Variants in AFF3 observed in about 807,000 individuals in gnomAD.
The protein encoded by AFF3 is ALF transcription elongation factor 3.
In AFF3, 32 loss-of-function variants were observed where a neutral mutation model predicts 129.7. That is an observed-to-expected ratio of 0.25 (90% CI 0.19 to 0.33). The LOEUF is 0.33. Ranked by LOEUF, AFF3 falls within the 10% of genes least tolerant of loss-of-function variation. AFF3 has a pLI of 1.00. For synonymous variants in AFF3, 644 were observed against 635.4 expected (o/e 1.01, Z -0.20); for missense variants, 1,373 against 1,592.0 (o/e 0.86, Z 2.34).
At chr2:99,789,093 T>C (rs975650502) in intron 8 of AFF3, among the ~76,000 whole-genome samples, 1 of 152,226 alleles carries the variant, frequency 6.6e-6, no homozygotes, top group African/African-American at 2.4e-5. Context: ...TGTTATACCA[T>C]GCATGACTGC....
intron 4 of AFF3, among the ~76,000 whole-genome samples, chr2:100,026,194 T>G (rs1684026485): frequency 6.6e-6 from 1 of 151,326 alleles, no homozygotes; most frequent in Admixed American, 6.6e-5. Context: ...AACAAACAAA[T>G]CAGTGAGAAA....
In AFF3 at chr2:99,733,145, C is replaced by T. The variant is rs548144166; in HGVS notation, c.1040-6017G>A. Among the ~76,000 whole-genome samples, 562 of 151,884 alleles carry T rather than the reference C, an allele frequency of 3.7e-3. 5 individuals carry two copies. The highest frequency in any genetic ancestry group is 5.7e-3 in the Non-Finnish European group (385 of 67,966). The stretch of plus-strand genomic sequence containing the variant: ...CTGTAATCCTAGCACTTTGGGAGGC[C>T]GAGGCAGGCGGATCATGAGGTCAGG... On this transcript the variant is annotated intron_variant, in intron 10 of 24. Coordinates refer to ENST00000672756, the MANE Select transcript of AFF3 (RefSeq NM_001386135.1).
intron 7 of AFF3, among the ~76,000 whole-genome samples, chr2:99,986,794 G>A (rs1015552593): frequency 1.3e-5 from 2 of 152,132 alleles, no homozygotes; most frequent in Admixed American, 6.5e-5. Context: ...ATTTCAGTAG[G>A]GTTGACTGGG....
chr2:99,681,632 G>A (rs1043735174), intron 11 of AFF3, among the ~76,000 whole-genome samples: 3 of 152,174 alleles, frequency 2.0e-5, no homozygotes, highest in Admixed American at 1.3e-4. Flanking sequence ...TTTCGACTTT[G>A]TGTCCTTTCC....
intron 11 of AFF3, among the ~76,000 whole-genome samples, chr2:99,719,049 C>CA (rs1491290592): frequency 9.6e-6 from 1 of 104,380 alleles, no homozygotes; most frequent in East Asian, 3.3e-4. Flanking sequence ...ACGCGCCCGG[C>CA]CTTTTTTTTT....
chr2:99,880,417 A>G (rs966292045), intron 7 of AFF3, among the ~76,000 whole-genome samples: 1 of 152,204 alleles, frequency 6.6e-6, no homozygotes, highest in Non-Finnish European at 1.5e-5. Flanking sequence ...AAGACCAAAC[A>G]GACACCTGAC....
chr2:99,781,155 T>G (rs1010693483), intron 8 of AFF3, among the ~76,000 whole-genome samples: 7 of 152,186 alleles, frequency 4.6e-5, no homozygotes, highest in African/African-American at 1.2e-4. Context: ...TCAGGACCTT[T>G]GCACCTACTG....
Position 99,650,474 on chromosome 2 carries a change from G to A in AFF3, c.1144-808C>T, listed in dbSNP as rs146992128. Among the ~76,000 whole-genome samples, 917 of 152,212 alleles carry A rather than the reference G, an allele frequency of 6.0e-3. 7 individuals are homozygous for A. The highest frequency in any genetic ancestry group is 0.021 in the African/African-American group (867 of 41,530). On this transcript the variant is annotated intron_variant, in intron 12 of 24. Coordinates refer to ENST00000672756, the MANE Select transcript of AFF3 (RefSeq NM_001386135.1). Reference sequence around the variant, plus strand: ...CTCAGGAGGCTGAGGCAAGAGAATCGCTTGAAACCAGAAGGCAGAGGTTGC... The same window carrying A: ...CTCAGGAGGCTGAGGCAAGAGAATCACTTGAAACCAGAAGGCAGAGGTTGC...
rs1015942451 is a variant in AFF3 at position 100,080,238 on chromosome 2, A to C, written c.53+24164T>G. On this transcript the variant is annotated intron_variant, in intron 4 of 24. Coordinates refer to ENST00000672756, the MANE Select transcript of AFF3 (RefSeq NM_001386135.1). Reference sequence around the variant, plus strand: ...GTTTCCTTGTATGTTTGATAGAGGCACTGTGTCTGCTGCATTAGGTTATTA... The same window carrying C: ...GTTTCCTTGTATGTTTGATAGAGGCCCTGTGTCTGCTGCATTAGGTTATTA... Among the ~76,000 whole-genome samples, 3 of 152,330 alleles carry C rather than the reference A, an allele frequency of 2.0e-5. No homozygotes were observed. The East Asian group carries it at 5.8e-4, about 29-fold the overall frequency.
At chr2:99,792,716 T>C (rs969245551) in intron 8 of AFF3, among the ~76,000 whole-genome samples, 17 of 152,212 alleles carry the variant, frequency 1.1e-4, no homozygotes, top group African/African-American at 3.4e-4. Context: ...TCTGCACCGA[T>C]TGAAATATTC....
chr2:99,729,980 G>A lies in AFF3; in HGVS notation c.1040-2852C>T, dbSNP rs553868475. On this transcript the variant is annotated intron_variant, in intron 10 of 24. Transcript: ENST00000672756. ...AGGAAGAGGGGAAAAAATGAGCCAC[G>A]GAAAGAACTATATATGCAAATATAT... Among the ~76,000 whole-genome samples, 30 of 152,104 alleles carry A rather than the reference G, an allele frequency of 2.0e-4. No homozygotes were observed. In the South Asian group the frequency reaches 6.2e-3, roughly 32 times the overall value.
intron 4 of AFF3, among the ~76,000 whole-genome samples, chr2:100,047,485 T>C (rs1685931248): frequency 6.6e-6 from 1 of 152,192 alleles, no homozygotes; most frequent in African/African-American, 2.4e-5. Flanking sequence ...CCCGTCCTTA[T>C]TACATTACCA....
chr2:99,888,607 A>T (rs1693300043), intron 7 of AFF3, among the ~76,000 whole-genome samples: 1 of 152,196 alleles, frequency 6.6e-6, no homozygotes, highest in South Asian at 2.1e-4. Context: ...TTTATTCTTA[A>T]GTATGTCAGA....
At chr2:99,660,579 T>C (rs1191407461) in intron 12 of AFF3, among the ~76,000 whole-genome samples, 1 of 152,238 alleles carries the variant, frequency 6.6e-6, no homozygotes, top group Non-Finnish European at 1.5e-5. Context: ...GCATGTAATG[T>C]ATAATAATCA....
At chr2:99,963,255 G>A (rs1304453443) in intron 7 of AFF3, among the ~76,000 whole-genome samples, 2 of 152,098 alleles carry the variant, frequency 1.3e-5, no homozygotes, top group African/African-American at 4.8e-5. Context: ...AAGAGCATTT[G>A]TACTAGCAAA....
chr2:100,128,592 A>G (rs1692296836), intron 2 of AFF3, among the ~76,000 whole-genome samples: 1 of 152,204 alleles, frequency 6.6e-6, no homozygotes, highest in African/African-American at 2.4e-5. Context: ...TTTGGCCCCA[A>G]GGAGGCTTTG....
intron 8 of AFF3, among the ~76,000 whole-genome samples, chr2:99,805,821 C>CACACAA (rs1395315236): frequency 6.7e-6 from 1 of 150,258 alleles, no homozygotes; most frequent in Non-Finnish European, 1.5e-5. Context: ...CTTACACACA[C>CACACAA]ACACACACAC....
chr2:99,842,723 T>C (rs1689408470), intron 7 of AFF3, among the ~76,000 whole-genome samples: 1 of 152,180 alleles, frequency 6.6e-6, no homozygotes, highest in South Asian at 2.1e-4. Context: ...AGAACTATGC[T>C]GTGGGTAAGT....
intron 4 of AFF3, among the ~76,000 whole-genome samples, chr2:100,035,384 A>G (rs1489536628): frequency 6.6e-6 from 1 of 152,226 alleles, no homozygotes; most frequent in Non-Finnish European, 1.5e-5. Flanking sequence ...AAGGGTGAAT[A>G]GATCACATTT....
Sources: allele counts gnomAD v4.1 joint callset (sites outside exome capture counted in the v4.1 genomes callset), GRCh38; gene constraint gnomAD v4.1.1; transcripts MANE v1.5; gene names NCBI Gene and HGNC (gene_info 2026-07-23, HGNC 2026-07-21).